ZMYND15: variants seen among roughly 807,000 people sequenced by gnomAD.
ZMYND15 encodes the protein zinc finger MYND-type containing 15, also known as zinc finger MYND domain-containing protein 15.
In ZMYND15, 54 loss-of-function variants were observed where a neutral mutation model predicts 81.7. The ratio of observed to expected loss-of-function variants is 0.66; its 90% CI spans 0.53 to 0.83. The LOEUF is 0.83. Ranked by LOEUF, ZMYND15 falls within the 40% of genes least tolerant of loss-of-function variation. The pLI is 0.00. For synonymous variants in ZMYND15, 399 were observed against 387.0 expected, an observed-to-expected ratio of 1.03 and a Z score of -0.36; for missense variants, 925 against 973.5, an observed-to-expected ratio of 0.95 and a Z score of 0.66.
Position 4,740,725 on chromosome 17 carries a change from C to T in ZMYND15, c.177C>T (p.Leu59=), listed in dbSNP as rs778011849. 4 of 1,611,664 alleles carry T rather than the reference C, an allele frequency of 2.5e-6. No individual in the cohort carries two copies. The highest frequency in any genetic ancestry group is 3.4e-6 in the Non-Finnish European group (4 of 1,178,462). The part of the protein sequence containing the change: ...RLPQDPALWV[L]HVLPNHSVGI... ...CCCAGGACCCTGCCCTTTGGGTGCT[C>T]CATGTCCTGCCCAACCATAGTGTGG... The change falls in exon 2 of 14, where the codon CTC becomes CTT. Residue 59 remains leucine (L), a synonymous_variant. Coordinates refer to ENST00000433935, the MANE Select transcript of ZMYND15 (RefSeq NM_001136046.3).
chr17:4,745,098 C>G lies in ZMYND15; in HGVS notation c.1897-117C>G, dbSNP rs1221073589. 3.8e-6 allele frequency: 6 copies of G among 1,574,038 alleles called. No individual in the cohort carries two copies. In the African/African-American group the frequency reaches 8.1e-5, roughly 21 times the overall value. On this transcript the variant is annotated intron_variant, in intron 12 of 13. Coordinates refer to ENST00000433935, the MANE Select transcript of ZMYND15 (RefSeq NM_001136046.3). This position sits in a 1 kb window ranked among gnomAD's most constrained non-coding sequence, Gnocchi z 5.2. ...TCTCTGTGTCTGTCTCCGTCCTCCC[C>G]CTGCTCCCCTCCGCCCGGTCTGTCC...
At position 4,743,361 on chromosome 17, in the gene ZMYND15, T is replaced by C; in HGVS notation, c.1203T>C (p.Arg401=). 1 of 1,614,064 alleles carries C rather than the reference T, an allele frequency of 6.2e-7. No individual in the cohort carries two copies. Among genetic ancestry groups the C allele is most frequent in the East Asian group, 2.2e-5 (1 of 44,878 alleles). ...EAFLASRGLT[R]GYWTQLSMLI... The stretch of plus-strand genomic sequence containing the variant: ...TCCTGGCCTCTCGGGGCCTCACTCG[T>C]GGCTATTGGACCCAGCTCAGCATGC... The change falls in exon 6 of 14, where the codon CGT becomes CGC. Residue 401 remains arginine, a synonymous_variant. Coordinates refer to ENST00000433935, the MANE Select transcript of ZMYND15 (RefSeq NM_001136046.3). This position sits in a 1 kb window ranked among gnomAD's most constrained non-coding sequence, Gnocchi z 4.3.
chr17:4,742,582 G>A, intron 5 of ZMYND15, 91 bp downstream of exon 5: 2 of 1,516,746 alleles, frequency 1.3e-6, no homozygotes, highest in Non-Finnish European at 1.8e-6. Flanking sequence ...TCCTGCAGTT[G>A]AAGGCTGAGT....
At position 4,739,956 on chromosome 17, in the gene ZMYND15, A is replaced by C. The variant is rs1378646014; in HGVS notation, c.-125A>C. On this transcript the variant is annotated 5_prime_UTR_variant, in exon 1 of 14. Coordinates refer to ENST00000433935, the MANE Select transcript of ZMYND15 (RefSeq NM_001136046.3). This position sits in a 1 kb window ranked among gnomAD's most constrained non-coding sequence, Gnocchi z 5.3. ...GCCCGGGGGGCGTGGCCGCCCGCTG[A>C]GCCGGCGAGGGCTCGGGCAGCCCTG... 3.0e-6 allele frequency: 3 copies of C among 985,080 alleles called. No homozygotes were observed. The highest frequency in any genetic ancestry group is 1.2e-6 in the Non-Finnish European group (1 of 829,902). The allele number at this position is 985,080 out of a possible 1,614,324, so 61.0% of individuals were successfully genotyped here.
chr17:4,743,627 C>G lies in ZMYND15; in HGVS notation c.1298-140C>G, dbSNP rs1013207429. On this transcript the variant is annotated intron_variant, in intron 6 of 13. Coordinates refer to ENST00000433935, the MANE Select transcript of ZMYND15 (RefSeq NM_001136046.3). This position sits in a 1 kb window ranked among gnomAD's most constrained non-coding sequence, Gnocchi z 4.3. ...TGGAATCACCCCTACCAACTCCACC[C>G]AGAAACCCCATCCCTATGCAAACCC... 54 of 1,269,036 alleles carry G rather than the reference C, an allele frequency of 4.3e-5. No individual in the cohort carries two copies. The highest frequency in any genetic ancestry group is 5.6e-5 in the Non-Finnish European group (52 of 926,382). The allele number at this position is 1,269,036 out of a possible 1,614,324, so 78.6% of individuals were successfully genotyped here.
intron 1 of ZMYND15, 182 bp downstream of exon 1, chr17:4,740,232 T>A: frequency 1.8e-6 from 1 of 553,594 alleles, no homozygotes; most frequent in Non-Finnish European, 2.4e-6. Flanking sequence ...AGCCTTAATT[T>A]AAACTCTGCT....
Position 4,740,998 on chromosome 17 carries a change from C to A in ZMYND15, c.450C>A (p.Thr150=). 6.4e-7 allele frequency: 1 copy of A among 1,557,478 alleles called. No homozygotes were observed. Among genetic ancestry groups the A allele is most frequent in the Non-Finnish European group, 8.7e-7 (1 of 1,149,986 alleles). Residue 150 remains threonine (T), a synonymous_variant, in exon 2 of 14, where the codon ACC becomes ACA. Coordinates refer to ENST00000433935, the MANE Select transcript of ZMYND15 (RefSeq NM_001136046.3). ...EPEEDRELAP[T]SRESPQETNP... ...AGGAGGACCGGGAGCTAGCCCCTAC[C>A]AGCAGGGAGTCCCCCCAGGAAACAA... is the stretch of plus-strand genomic sequence containing the variant.
Position 4,744,516 on chromosome 17 carries a change from C to G in ZMYND15, c.1683+49C>G. Reference sequence around the variant, plus strand: ...TTTCAGCCCTGACCCCTCCAGTGACCTCCTGGTTGGGTCCTGCCCTTCTGC... The same window carrying G: ...TTTCAGCCCTGACCCCTCCAGTGACGTCCTGGTTGGGTCCTGCCCTTCTGC... On this transcript the variant is annotated intron_variant, in intron 10 of 13. Coordinates refer to ENST00000433935, the MANE Select transcript of ZMYND15 (RefSeq NM_001136046.3). The surrounding 1 kb of genome is among the most constrained non-coding windows in gnomAD (Gnocchi z 4.1). The G allele has an allele frequency of 6.2e-7, 1 of 1,610,206 alleles. No individual in the cohort carries two copies. The highest frequency in any genetic ancestry group is 8.5e-7 in the Non-Finnish European group (1 of 1,176,936).
rs767978203 is a variant in ZMYND15 at position 4,744,103 on chromosome 17, G to C, written c.1491G>C (p.Gln497His). 4.4e-6 allele frequency: 7 copies of C among 1,598,278 alleles called. No homozygotes were observed. The Admixed American group carries it at 8.8e-5, about 20-fold the overall frequency. ...ACGTCATCACCCACCTGGTGCCCCAGTCCTGTAAGGAGAGCGGAGTGGGGG... is the reference window on the plus strand; with the variant it reads ...ACGTCATCACCCACCTGGTGCCCCACTCCTGTAAGGAGAGCGGAGTGGGGG... ...VYYVITHLVPQSFPELNIQNK... is the reference protein window; with the variant it reads ...VYYVITHLVPHSFPELNIQNK... Residue 497 changes from glutamine (Q) to histidine (H), a missense_variant, in exon 8 of 14, where the codon CAG becomes CAC. Gln to His is a conservative substitution (Grantham distance 24). Coordinates refer to ENST00000433935, the MANE Select transcript of ZMYND15 (RefSeq NM_001136046.3). The surrounding 1 kb of genome is among the most constrained non-coding windows in gnomAD (Gnocchi z 4.1).
chr17:4,744,825 G>A lies in ZMYND15; in HGVS notation c.1838-45G>A. ...TTAGGCATGTGGGGAAGGTGGGAGA[G>A]AAGCCCACCGTGGGAGCCAGCTTCT... On this transcript the variant is annotated intron_variant, in intron 11 of 13. Transcript: ENST00000433935. The surrounding 1 kb of genome is among the most constrained non-coding windows in gnomAD (Gnocchi z 4.1). The A allele has an allele frequency of 1.2e-6, 2 of 1,614,134 alleles. No individual in the cohort carries two copies. The highest frequency in any genetic ancestry group is 1.7e-5 in the Admixed American group (1 of 60,020).
Position 4,745,962 on chromosome 17 carries a change from C to G in ZMYND15, c.2201C>G (p.Pro734Arg). ...PTRRRRGEKK[P>R]GRGARRRK is the part of the protein sequence containing the mutation. ...CGAAGGCGCCGAGGAGAAAAGAAAC[C>G]TGGGCGGGGGGCCCGCCGGCGGAAA... is the stretch of plus-strand genomic sequence containing the variant. Residue 734 changes from proline to arginine, a missense_variant, in exon 14 of 14, where the codon CCT becomes CGT. Transcript: ENST00000433935. The surrounding 1 kb of genome is among the most constrained non-coding windows in gnomAD (Gnocchi z 5.2). 2.1e-6 allele frequency: 3 copies of G among 1,455,724 alleles called. No individual in the cohort carries two copies. The highest frequency in any genetic ancestry group is 2.7e-6 in the Non-Finnish European group (3 of 1,108,428). The allele number at this position is 1,455,724 out of a possible 1,614,324, so 90.2% of individuals were successfully genotyped here.
chr17:4,740,516 C>A lies in ZMYND15; in HGVS notation c.-30-3C>A. 1 of 1,537,026 alleles carries A rather than the reference C, an allele frequency of 6.5e-7. No homozygotes were observed. The highest frequency in any genetic ancestry group is 1.3e-5 in the South Asian group (1 of 79,808). ...CTCACCATATATCCCTTCTTTTGCT[C>A]AGTCTGGGCCGGGGCCCTGTGCCGC... On this transcript the variant is annotated splice_polypyrimidine_tract_variant and splice_region_variant and intron_variant, in intron 1 of 13. Coordinates refer to ENST00000433935, the MANE Select transcript of ZMYND15 (RefSeq NM_001136046.3).
Position 4,741,744 on chromosome 17 carries a change from T to C in ZMYND15, c.755T>C (p.Met252Thr). Residue 252 changes from methionine (M) to threonine (T), a missense_variant, in exon 3 of 14, where the codon ATG becomes ACG. Transcript: ENST00000433935. ...GCCTATGCTCTCCTCTGTCACAGCA[T>C]GGCCTGTCCCATGGGCTCTGGGGAT... ...PWAYALLCHS[M>T]ACPMGSGDPR... 6.2e-7 allele frequency: 1 copy of C among 1,605,164 alleles called. No homozygotes were observed. Among genetic ancestry groups the C allele is most frequent in the Non-Finnish European group, 8.5e-7 (1 of 1,174,492 alleles).
rs1463852019 is a variant in ZMYND15, at chr17:4,740,747, G to A, written c.199G>A (p.Val67Met). 3.1e-6 allele frequency: 5 copies of A among 1,604,606 alleles called. No individual in the cohort carries two copies. The highest frequency in any genetic ancestry group is 1.7e-5 in the Admixed American group (1 of 59,352). ...WVLHVLPNHS[V>M]GISLGQGAEP... ...GCTCCATGTCCTGCCCAACCATAGT[G>A]TGGGCATCAGCCTGGGGCAAGGGGC... Residue 67 changes from valine (V) to methionine (M), a missense_variant, in exon 2 of 14, where the codon GTG becomes ATG. Transcript: ENST00000433935.
rs1916458615 is a variant in ZMYND15, at chr17:4,742,211, G to A, written c.984-120G>A. 2.6e-6 allele frequency: 4 copies of A among 1,531,456 alleles called. No individual in the cohort carries two copies. The Admixed American group carries it at 7.1e-5, about 27-fold the overall frequency. 94.9% of individuals were successfully genotyped at this position (1,531,456 alleles called of 1,614,324 possible). A position where few individuals can be genotyped will look rare whatever the true frequency, so the allele number is the denominator to read the frequency against. On this transcript the variant is annotated intron_variant, in intron 4 of 13. Coordinates refer to ENST00000433935, the MANE Select transcript of ZMYND15 (RefSeq NM_001136046.3). The stretch of plus-strand genomic sequence containing the variant: ...GAGGAAACAATACAGACTGTTACAG[G>A]CGGTTAGAGGGTGTAAGACAAACAG...
At position 4,744,947 on chromosome 17, in the gene ZMYND15, A is replaced by G. The variant is rs764125592; in HGVS notation, c.1896+19A>G. 3.7e-6 allele frequency: 6 copies of G among 1,613,890 alleles called. No individual in the cohort carries two copies. Among genetic ancestry groups the G allele is most frequent in the Non-Finnish European group, 4.2e-6 (5 of 1,179,900 alleles). ...GTTACAGGTGGGCAATGGGGGCAAA[A>G]GGGAACTTCTCTCCCCTCCTGCCTG... On this transcript the variant is annotated intron_variant, in intron 12 of 13. Coordinates refer to ENST00000433935, the MANE Select transcript of ZMYND15 (RefSeq NM_001136046.3). This position sits in a 1 kb window ranked among gnomAD's most constrained non-coding sequence, Gnocchi z 4.1.
chr17:4,742,232 A>G, intron 4 of ZMYND15, 99 bp from the exon 5 acceptor site: 1 of 1,551,264 alleles, frequency 6.4e-7, no homozygotes, highest in Non-Finnish European at 8.8e-7. Context: ...GTGTAAGACA[A>G]ACAGACCGAG....
rs1293274154 is a variant in ZMYND15 at position 4,743,197 on chromosome 17, C to T, written c.1145-106C>T. 5.2e-6 allele frequency: 7 copies of T among 1,340,580 alleles called. No individual in the cohort carries two copies. Among genetic ancestry groups the T allele is most frequent in the Admixed American group, 2.3e-5 (1 of 44,400 alleles). 83.0% of individuals were successfully genotyped at this position (1,340,580 alleles called of 1,614,324 possible). A position where few individuals can be genotyped will look rare whatever the true frequency, so the allele number is the denominator to read the frequency against. On this transcript the variant is annotated intron_variant, in intron 5 of 13. Transcript: ENST00000433935. This position sits in a 1 kb window ranked among gnomAD's most constrained non-coding sequence, Gnocchi z 4.3. ...GAGGCTGTAGTGTCCCGTGATCACGCCACTGCACTCTAGCTTGGGTGATAG... is the reference window on the plus strand; with the variant it reads ...GAGGCTGTAGTGTCCCGTGATCACGTCACTGCACTCTAGCTTGGGTGATAG...
rs1037620768 is a variant in ZMYND15, at chr17:4,745,903, A to G, written c.2142A>G (p.Pro714=). 7.1e-7 allele frequency: 1 copy of G among 1,405,902 alleles called. No individual in the cohort carries two copies. Among genetic ancestry groups the G allele is most frequent in the African/African-American group, 1.5e-5 (1 of 66,056 alleles). 87.1% of individuals were successfully genotyped at this position (1,405,902 alleles called of 1,614,324 possible). The part of the protein sequence containing the change: ...GARPAPGPPP[P]SPTPSAPPAP... ...GCCCGGCGCCCGGGCCCCCACCCCC[A>G]TCCCCAACTCCCTCTGCTCCTCCTG... is the stretch of plus-strand genomic sequence containing the variant. Residue 714 remains proline (P), a synonymous_variant, in exon 14 of 14, where the codon CCA becomes CCG. Coordinates refer to ENST00000433935, the MANE Select transcript of ZMYND15 (RefSeq NM_001136046.3). The surrounding 1 kb of genome is among the most constrained non-coding windows in gnomAD (Gnocchi z 5.2).
Sources: gnomAD v4.1 joint callset for allele counts on GRCh38, gnomAD v4.1.1 for gene constraint, Gnocchi (gnomAD v3.1) non-coding constraint, MANE v1.5 for transcripts, NCBI Gene and HGNC (gene_info 2026-07-23, HGNC 2026-07-21) for gene names.